STEAP3: variants seen among roughly 807,000 people sequenced by gnomAD.
STEAP3 encodes metalloreductase STEAP3.
Under a neutral mutation model 34.9 loss-of-function variants are expected in STEAP3, and 35 were observed. The ratio of observed to expected loss-of-function variants is 1.00; its 90% CI spans 0.76 to 1.33. STEAP3 has a LOEUF of 1.33. Among genes scored for constraint, STEAP3 ranks in the 40% most tolerant of loss-of-function variants. The pLI, the probability that STEAP3 is intolerant of heterozygous loss-of-function variation, is 0.00. For missense variants in STEAP3, 652 were observed against 667.6 expected, an observed-to-expected ratio of 0.98 and a Z score of 0.26; for synonymous variants, 281 against 301.6, an observed-to-expected ratio of 0.93 and a Z score of 0.71.
chr2:119,235,901 C>T (rs1677081114), intron 2 of STEAP3, among the ~76,000 whole-genome samples: 2 of 152,164 alleles, frequency 1.3e-5, no homozygotes, highest in Admixed American at 6.5e-5. Flanking sequence ...AGTGCCGACC[C>T]CAGTGCCCCA....
chr2:119,244,803 G>GTTT (rs1677357718), intron 2 of STEAP3: 1 of 152,050 alleles, frequency 6.6e-6, no homozygotes, highest in Non-Finnish European at 1.5e-5. Context: ...AAGATCACAG[G>GTTT]GCACCCACTC....
chr2:119,232,065 G>C (rs772387622), intron 2 of STEAP3, among the ~76,000 whole-genome samples: 27 of 152,202 alleles, frequency 1.8e-4, no homozygotes, highest in Non-Finnish European at 2.1e-4. Flanking sequence ...AACAGCCTGA[G>C]AATGAGGGGC....
intron 3 of STEAP3, 23 bp from the exon 4 acceptor site, chr2:119,247,652 TCTGA>T (rs1218487178): frequency 6.6e-7 from 1 of 1,508,840 alleles, no homozygotes; most frequent in Non-Finnish European, 8.8e-7. Flanking sequence ...TGTGACGCCG[TCTGA>T]CTGCCCCACT....
chr2:119,232,296 A>G (rs1377663821), intron 2 of STEAP3, among the ~76,000 whole-genome samples: 1 of 152,212 alleles, frequency 6.6e-6, no homozygotes, highest in Non-Finnish European at 1.5e-5. Context: ...CTCGGGGCCC[A>G]GAGGAGGACC....
At chr2:119,233,655 T>G (rs935922512) in intron 2 of STEAP3, among the ~76,000 whole-genome samples, 1 of 151,674 alleles carries the variant, frequency 6.6e-6, no homozygotes, top group African/African-American at 2.4e-5. Flanking sequence ...CAGAAATGAG[T>G]TTTTTATTGG....
chr2:119,253,521 G>T (rs1677687413), intron 4 of STEAP3, among the ~76,000 whole-genome samples: 1 of 151,306 alleles, frequency 6.6e-6, no homozygotes, highest in Admixed American at 6.6e-5. Context: ...GAGTCATTCT[G>T]TTTTGAGAGG....
chr2:119,261,421 G>A (rs969456818), intron 5 of STEAP3, among the ~76,000 whole-genome samples: 6 of 152,004 alleles, frequency 3.9e-5, no homozygotes, highest in African/African-American at 9.7e-5. Flanking sequence ...ATGGGTCATC[G>A]CTATTTCCAT....
intron 2 of STEAP3, among the ~76,000 whole-genome samples, chr2:119,232,635 T>C (rs920829962): frequency 2.0e-5 from 3 of 152,212 alleles, no homozygotes; most frequent in Admixed American, 6.5e-5. Flanking sequence ...TTTTGACTTA[T>C]ATTGTAAATT....
rs113397926 is a variant in STEAP3, at chr2:119,263,906, G to A, written c.*568G>A. The A allele has an allele frequency of 9.0e-3, 1,623 of 179,354 alleles. 21 individuals carry two copies. The highest frequency in any genetic ancestry group is 0.024 in the Admixed American group (447 of 18,390). The allele number at this position is 179,354 out of a possible 1,614,324, so 11.1% of individuals were successfully genotyped here. ...CAGCAGCAGGAGGCCTGGGGAGGAG[G>A]AAAATCAGGCAGTCGGCCTGGAGTC... On this transcript the variant is annotated 3_prime_UTR_variant, in exon 6 of 6. Transcript: ENST00000393110.
Position 119,223,865 on chromosome 2 carries a change from C to A in STEAP3, c.-417C>A, listed in dbSNP as rs1245902189. The A allele has an allele frequency of 1.3e-5, 2 of 152,252 alleles. No homozygotes were observed. Among genetic ancestry groups the A allele is most frequent in the Non-Finnish European group, 2.9e-5 (2 of 68,064 alleles). 9.4% of individuals were successfully genotyped at this position (152,252 alleles called of 1,614,324 possible). ...GCCGCGGACCTTCAGCTGCCGCGGT[C>A]GCTCCGAGCGGCGGGCCGCAGAGGT... On this transcript the variant is annotated 5_prime_UTR_variant, in exon 1 of 6. Coordinates refer to ENST00000393110, the MANE Select transcript of STEAP3 (RefSeq NM_182915.3).
chr2:119,238,663 C>T (rs1677156581), intron 2 of STEAP3, among the ~76,000 whole-genome samples: 1 of 152,172 alleles, frequency 6.6e-6, no homozygotes, highest in Non-Finnish European at 1.5e-5. Flanking sequence ...AAGAGGTGAG[C>T]AGGCAGACAG....
intron 2 of STEAP3, among the ~76,000 whole-genome samples, chr2:119,236,594 A>T (rs1677101044): frequency 6.6e-6 from 1 of 152,194 alleles, no homozygotes; most frequent in African/African-American, 2.4e-5. Flanking sequence ...TATTTAGAGA[A>T]TCCCAGGGGC....
At chr2:119,257,210 A>G (rs1305593362) in intron 5 of STEAP3, among the ~76,000 whole-genome samples, 1 of 152,224 alleles carries the variant, frequency 6.6e-6, no homozygotes, top group Non-Finnish European at 1.5e-5. Context: ...GTGTCGGGAT[A>G]CTTTTTCAGT....
At chr2:119,254,905 T>A in intron 5 of STEAP3, 57 bp downstream of exon 5, 1 of 1,576,116 alleles carries the variant, frequency 6.3e-7, no homozygotes, top group Non-Finnish European at 8.6e-7. Flanking sequence ...CCACCTCTCA[T>A]GAGTAAGTGC....
Position 119,251,414 on chromosome 2 carries a change from C to A in STEAP3, c.1050+3208C>A, listed in dbSNP as rs181475258. ...TGTTTACAGACAGTATTATTACCAA[C>A]AATAACCGATATTTGTACAGGGCAT... is the stretch of plus-strand genomic sequence containing the variant. On this transcript the variant is annotated intron_variant, in intron 4 of 5. Transcript: ENST00000393110. Among the ~76,000 whole-genome samples, 3 of 152,318 alleles carry A rather than the reference C, an allele frequency of 2.0e-5. No homozygotes were observed. In the East Asian group the frequency reaches 5.8e-4, roughly 29 times the overall value.
In STEAP3 at chr2:119,247,696, C is replaced by G; in HGVS notation, c.540C>G (p.Asp180Glu). The change falls in exon 4 of 6, where the codon GAC (aspartate) becomes GAG (glutamate). Residue 180 changes from aspartate to glutamate, a missense_variant. Physicochemically the swap from Asp to Glu is conservative, Grantham distance 45 (BLOSUM62 2). Transcript: ENST00000393110. ...TCCCGCAGGTGCCCATCTGCGGTGACCAGCCAGAAGCCAAGCGTGCTGTCT... is the reference window on the plus strand; with the variant it reads ...TCCCGCAGGTGCCCATCTGCGGTGAGCAGCCAGAAGCCAAGCGTGCTGTCT... Reference protein sequence around the residue: ...DGNRQVPICGDQPEAKRAVSE... With the variant: ...DGNRQVPICGEQPEAKRAVSE... 6.5e-7 allele frequency: 1 copy of G among 1,541,058 alleles called. No homozygotes were observed. Among genetic ancestry groups the G allele is most frequent in the Non-Finnish European group, 8.7e-7 (1 of 1,147,600 alleles).
At chr2:119,236,752 G>A (rs1449315876) in intron 2 of STEAP3, among the ~76,000 whole-genome samples, 1 of 152,126 alleles carries the variant, frequency 6.6e-6, no homozygotes, top group Admixed American at 6.5e-5. Context: ...GCAGCAGACG[G>A]TGCCTCCCCC....
chr2:119,263,398 G>T lies in STEAP3; in HGVS notation c.*60G>T. On this transcript the variant is annotated 3_prime_UTR_variant, in exon 6 of 6. Transcript: ENST00000393110. ...GAGGGACGGTGCCCTGAGCCCGTTAGGTTTTCTTTTCTTGGTGGTGCAAAG... is the reference window on the plus strand; with the variant it reads ...GAGGGACGGTGCCCTGAGCCCGTTATGTTTTCTTTTCTTGGTGGTGCAAAG... The T allele has an allele frequency of 6.4e-7, 1 of 1,566,246 alleles. No homozygotes were observed. The highest frequency in any genetic ancestry group is 1.2e-5 in the South Asian group (1 of 85,936).
chr2:119,224,696 C>T (rs923635711), intron 1 of STEAP3, among the ~76,000 whole-genome samples: 1 of 152,166 alleles, frequency 6.6e-6, no homozygotes, highest in African/African-American at 2.4e-5. Context: ...TCCAGGGCCA[C>T]CTCAGAGATG....
Sources: allele counts gnomAD v4.1 joint callset (sites outside exome capture counted in the v4.1 genomes callset), GRCh38; gene constraint gnomAD v4.1.1; transcripts MANE v1.5; gene names NCBI Gene and HGNC (gene_info 2026-07-23, HGNC 2026-07-21).